SAMSN1: variants seen among roughly 807,000 people sequenced by gnomAD.
SAMSN1 encodes SAM domain-containing protein SAMSN-1.
In SAMSN1, 31 loss-of-function variants were observed where a neutral mutation model predicts 42.0. The ratio of observed to expected loss-of-function variants is 0.74; its 90% CI spans 0.55 to 1.00. The LOEUF (loss-of-function observed/expected upper bound fraction) is 1.00. Ranked by LOEUF, SAMSN1 falls within the 50% of genes least tolerant of loss-of-function variation. The pLI is 0.00. For synonymous variants in SAMSN1, 178 were observed against 151.9 expected (o/e 1.17, Z -1.26); for missense variants, 464 against 439.4 (o/e 1.06, Z -0.50).
intron 2 of SAMSN1, among the ~76,000 whole-genome samples, chr21:14,566,506 TA>T (rs1438226519): frequency 6.6e-6 from 1 of 151,902 alleles, no homozygotes; most frequent in Non-Finnish European, 1.5e-5. Flanking sequence ...GGTTGGCCCA[TA>T]AAAAAATCTA....
intron 1 of SAMSN1, among the ~76,000 whole-genome samples, chr21:14,651,588 TG>T (rs1278075644): frequency 6.6e-6 from 1 of 152,032 alleles, no homozygotes; most frequent in East Asian, 1.9e-4. Context: ...TCATACTGAC[TG>T]GGGAAAAGAT....
At chr21:14,488,748 T>C (rs1986549459) in intron 7 of SAMSN1, among the ~76,000 whole-genome samples, 1 of 152,208 alleles carries the variant, frequency 6.6e-6, no homozygotes, top group Non-Finnish European at 1.5e-5. Flanking sequence ...TTTCTGAGTA[T>C]GAAAGTTATG....
At chr21:14,521,807 A>G (rs1978502641) in intron 1 of SAMSN1, among the ~76,000 whole-genome samples, 1 of 152,110 alleles carries the variant, frequency 6.6e-6, no homozygotes. Flanking sequence ...GCAAAACACC[A>G]TGGCACATGT....
chr21:14,487,636 T>A (rs942983760), intron 7 of SAMSN1, among the ~76,000 whole-genome samples: 3 of 152,166 alleles, frequency 2.0e-5, no homozygotes, highest in Non-Finnish European at 2.9e-5. Flanking sequence ...AAGAAAATGA[T>A]AAAAATTGCT....
intron 6 of SAMSN1, among the ~76,000 whole-genome samples, chr21:14,595,096 A>G (rs1242253329): frequency 6.6e-6 from 1 of 152,168 alleles, no homozygotes; most frequent in Non-Finnish European, 1.5e-5. Context: ...TGTCATGAGA[A>G]CAGCTCCAAT....
At chr21:14,529,738 T>C (rs1272137975) in intron 1 of SAMSN1, among the ~76,000 whole-genome samples, 2 of 152,248 alleles carry the variant, frequency 1.3e-5, no homozygotes, top group Non-Finnish European at 2.9e-5. Flanking sequence ...TATATTCATA[T>C]ACAAAATAAA....
intron 2 of SAMSN1, among the ~76,000 whole-genome samples, chr21:14,520,118 G>T (rs1218419017): frequency 2.6e-5 from 4 of 152,170 alleles, no homozygotes; most frequent in Non-Finnish European, 5.9e-5. Context: ...CATCGTGAGT[G>T]CTCAACTAAA....
intron 1 of SAMSN1, among the ~76,000 whole-genome samples, chr21:14,647,398 A>G (rs769875825): frequency 3.4e-5 from 5 of 147,348 alleles, no homozygotes; most frequent in Non-Finnish European, 6.0e-5. Flanking sequence ...GCCTTGTAGT[A>G]TAGTTTGAAG....
chr21:14,551,329 G>T (rs1980588997), intron 2 of SAMSN1, among the ~76,000 whole-genome samples: 1 of 152,048 alleles, frequency 6.6e-6, no homozygotes, highest in Non-Finnish European at 1.5e-5. Flanking sequence ...AAGATGAATG[G>T]TGAACCTAAA....
intron 1 of SAMSN1, among the ~76,000 whole-genome samples, chr21:14,536,347 A>G (rs779954344): frequency 6.6e-5 from 10 of 152,256 alleles, no homozygotes; most frequent in Non-Finnish European, 1.3e-4. Flanking sequence ...CAAATCCAGC[A>G]TCTTGGTAGT....
upstream of SAMSN1, among the ~76,000 whole-genome samples, chr21:14,548,941 T>G (rs140198522): frequency 2.0e-5 from 3 of 152,246 alleles, no homozygotes; most frequent in Admixed American, 6.5e-5. Flanking sequence ...ACATGTATTC[T>G]GAAATAGGGA....
upstream of SAMSN1, among the ~76,000 whole-genome samples, chr21:14,546,685 A>G (rs1267011427): frequency 6.6e-6 from 1 of 150,668 alleles, no homozygotes; most frequent in Non-Finnish European, 1.5e-5. Flanking sequence ...AAAAAAAAAG[A>G]ATACTCAAGG....
At chr21:14,581,268 C>T (rs1269988037) in intron 2 of SAMSN1, among the ~76,000 whole-genome samples, 3 of 146,096 alleles carry the variant, frequency 2.1e-5, no homozygotes, top group African/African-American at 7.5e-5. Flanking sequence ...CTCCTGTTAG[C>T]TGTCTGACTT....
chr21:14,501,514 A>G lies in SAMSN1; in HGVS notation c.562-779T>C, dbSNP rs540944804. On this transcript the variant is annotated intron_variant, in intron 5 of 7. Transcript: ENST00000400566. Reference sequence around the variant, plus strand: ...CTCTTTTTATTTATACTGTCAAAGTAATATATATGTAACAAAGCTCAAGTT... The same window carrying G: ...CTCTTTTTATTTATACTGTCAAAGTGATATATATGTAACAAAGCTCAAGTT... 1.1e-4 allele frequency among the ~76,000 whole-genome samples: 17 copies of G among 152,342 alleles called. No homozygotes were observed. In the East Asian group the frequency reaches 3.1e-3, roughly 28 times the overall value.
chr21:14,530,477 A>G (rs1049791198), intron 1 of SAMSN1, among the ~76,000 whole-genome samples: 1 of 152,136 alleles, frequency 6.6e-6, no homozygotes, highest in Admixed American at 6.6e-5. Flanking sequence ...TTCTCTCCCA[A>G]ACTTTCATAG....
At chr21:14,496,002 G>T (rs1349202209) in intron 7 of SAMSN1, 2 of 152,096 alleles carry the variant, frequency 1.3e-5, no homozygotes, top group East Asian at 3.9e-4. Context: ...GAAGTGGAAT[G>T]AAAAAATTAA....
intron 1 of SAMSN1, among the ~76,000 whole-genome samples, chr21:14,658,177 AG>A (rs777993261): frequency 6.6e-6 from 1 of 151,876 alleles, no homozygotes; most frequent in Non-Finnish European, 1.5e-5. Context: ...CTTCAGGCTA[AG>A]GAAAAAAAAG....
intron 4 of SAMSN1, among the ~76,000 whole-genome samples, chr21:14,610,080 A>G (rs1205554058): frequency 6.6e-6 from 1 of 152,218 alleles, no homozygotes; most frequent in Non-Finnish European, 1.5e-5. Flanking sequence ...TAAGAACAGG[A>G]TAACAGCAAT....
At chr21:14,655,827 A>C (rs900005735) in intron 1 of SAMSN1, among the ~76,000 whole-genome samples, 3 of 151,862 alleles carry the variant, frequency 2.0e-5, no homozygotes, top group Admixed American at 6.6e-5. Context: ...AATACTTTAT[A>C]GATTATTTGT....
Sources: allele counts gnomAD v4.1 joint callset (sites outside exome capture counted in the v4.1 genomes callset), GRCh38; gene constraint gnomAD v4.1.1; transcripts MANE v1.5; gene names NCBI Gene and HGNC (gene_info 2026-07-23, HGNC 2026-07-21).